Variants in JCAD observed in about 807,000 individuals in gnomAD.
JCAD encodes junctional cadherin 5-associated protein.
A neutral mutation model predicts 98.0 loss-of-function variants in JCAD; 40 were observed. That is an observed-to-expected ratio of 0.41 (90% CI 0.32 to 0.53). The LOEUF is 0.53. Among genes scored for constraint, JCAD ranks in the 20% least tolerant of loss-of-function variants. The probability of loss-of-function intolerance (pLI) is 0.31; values close to 1 mark genes in which losing one functional copy is unlikely to be tolerated. For missense variants in JCAD, 1,705 were observed against 1,738.1 expected, an observed-to-expected ratio of 0.98 and a Z score of 0.34; for synonymous variants, 691 against 682.3, an observed-to-expected ratio of 1.01 and a Z score of -0.20.
At chr10:30,049,378 ATG>A (rs1837422099) in intron 1 of JCAD, among the ~76,000 whole-genome samples, 2 of 152,186 alleles carry the variant, frequency 1.3e-5, no homozygotes, top group African/African-American at 2.4e-5. Context: ...TGCCTGCGGC[ATG>A]TGCTTCCTGT....
At chr10:30,114,593 A>C (rs902948860) in intron 1 of JCAD, among the ~76,000 whole-genome samples, 4 of 151,852 alleles carry the variant, frequency 2.6e-5, no homozygotes, top group South Asian at 2.1e-4. Context: ...AAAAAAAAAA[A>C]AAAAAAACCA....
At chr10:30,114,853 AGAT>A (rs1054034718) in intron 1 of JCAD, among the ~76,000 whole-genome samples, 1 of 145,324 alleles carries the variant, frequency 6.9e-6, no homozygotes, top group African/African-American at 2.5e-5. Flanking sequence ...ATAGATAGAT[AGAT>A]GATAGATACA....
intron 2 of JCAD, among the ~76,000 whole-genome samples, chr10:30,068,140 G>A (rs1837816378): frequency 1.3e-5 from 2 of 152,144 alleles, no homozygotes; most frequent in African/African-American, 4.8e-5. Context: ...TGTGATCGTA[G>A]CACTTCGGGG....
Position 30,017,661 on chromosome 10 carries a change from C to T in JCAD, c.*222G>A. 6.6e-6 allele frequency: 4 copies of T among 609,480 alleles called. No homozygotes were observed. The South Asian group carries it at 8.2e-5, about 12-fold the overall frequency. 37.8% of individuals were successfully genotyped at this position (609,480 alleles called of 1,614,324 possible). ...TAATTATAGGCATTAAATCTTCATG[C>T]TATAAAAACAGATGGTTTCAACGGA... is the stretch of plus-strand genomic sequence containing the variant. On this transcript the variant is annotated 3_prime_UTR_variant, in exon 4 of 4. Transcript: ENST00000375377.
At chr10:30,044,890 G>T in intron 2 of JCAD, 2 of 631,494 alleles carry the variant, frequency 3.2e-6, no homozygotes, top group Non-Finnish European at 3.9e-6. Flanking sequence ...GAAGCTTGGG[G>T]CACTGGCAGG....
chr10:30,082,851 CAAAAAAAA>C (rs57450219), intron 1 of JCAD, among the ~76,000 whole-genome samples: 4 of 68,388 alleles, frequency 5.8e-5, no homozygotes, highest in Non-Finnish European at 1.0e-4. Context: ...AACTCTGTCT[CAAAAAAAA>C]AAAAAAAAAA....
At chr10:30,086,966 G>A (rs928184061) in intron 1 of JCAD, among the ~76,000 whole-genome samples, 11 of 152,158 alleles carry the variant, frequency 7.2e-5, no homozygotes, top group African/African-American at 2.2e-4. Flanking sequence ...ATAGTAAACC[G>A]AACCCTAGAC....
At chr10:30,032,507 G>A (rs767448914) in intron 2 of JCAD, among the ~76,000 whole-genome samples, 1 of 152,090 alleles carries the variant, frequency 6.6e-6, no homozygotes, top group Non-Finnish European at 1.5e-5. Flanking sequence ...GAAGTTCAGG[G>A]GACTCAACAG....
chr10:30,043,349 T>A (rs1443322178), intron 2 of JCAD, among the ~76,000 whole-genome samples: 1 of 151,996 alleles, frequency 6.6e-6, no homozygotes, highest in African/African-American at 2.4e-5. Context: ...AGTAAAAAAA[T>A]TTTACTAGAT....
At chr10:30,019,243 G>C (rs553000885) in intron 3 of JCAD, among the ~76,000 whole-genome samples, 1 of 151,544 alleles carries the variant, frequency 6.6e-6, no homozygotes, top group Non-Finnish European at 1.5e-5. Flanking sequence ...TGTAATCCCA[G>C]CTACTCGGGA....
In JCAD at chr10:30,084,017, AAAAG is replaced by A. The variant is rs1323706161; in HGVS notation, n.129-14200_129-14197del. On this transcript the variant is annotated intron_variant and non_coding_transcript_variant, in intron 1 of 2. Coordinates refer to the JCAD transcript ENST00000465712. Reference sequence around the variant, plus strand: ...AGCCTGGGTGACAGAGTGAATGAAAAAAAGAAAGAAAGAGAGAGAGAGAGAAAGG... The same window carrying A: ...AGCCTGGGTGACAGAGTGAATGAAAAAAAGAAAGAGAGAGAGAGAGAAAGG... Among the ~76,000 whole-genome samples the A allele has an allele frequency of 6.6e-5, 10 of 152,014 alleles. No individual in the cohort carries two copies. In the East Asian group the frequency reaches 9.7e-4, roughly 15 times the overall value.
chr10:30,081,546 C>T (rs999042438), intron 1 of JCAD, among the ~76,000 whole-genome samples: 1 of 152,190 alleles, frequency 6.6e-6, no homozygotes, highest in Non-Finnish European at 1.5e-5. Flanking sequence ...ATTCTCATAC[C>T]TCAGCCTCCT....
chr10:30,064,949 C>A (rs1167975835), intron 2 of JCAD, among the ~76,000 whole-genome samples: 6 of 152,192 alleles, frequency 3.9e-5, no homozygotes, highest in South Asian at 2.1e-4. Context: ...GGATTACAGG[C>A]GTGAGCCACC....
intron 1 of JCAD, among the ~76,000 whole-genome samples, chr10:30,101,636 G>A (rs1031099078): frequency 2.6e-5 from 4 of 152,036 alleles, no homozygotes; most frequent in Non-Finnish European, 5.9e-5. Flanking sequence ...CCAAAGTGCT[G>A]GGATTACAGG....
In JCAD at chr10:30,012,970, C is replaced by G. The variant is rs112228090; in HGVS notation, c.*4913G>C. Reference sequence around the variant, plus strand: ...TGCTACTTTGTCCTGCTTCTCTCTTCCCTGTGCTCATTATTCTTCATGCAC... The same window carrying G: ...TGCTACTTTGTCCTGCTTCTCTCTTGCCTGTGCTCATTATTCTTCATGCAC... On this transcript the variant is annotated 3_prime_UTR_variant, in exon 4 of 4. Coordinates refer to ENST00000375377, the MANE Select transcript of JCAD (RefSeq NM_020848.4). The G allele has an allele frequency of 6.6e-6, 1 of 152,588 alleles. No individual in the cohort carries two copies. The highest frequency in any genetic ancestry group is 1.5e-5 in the Non-Finnish European group (1 of 68,252). 9.5% of individuals were successfully genotyped at this position (152,588 alleles called of 1,614,324 possible).
chr10:30,078,007 G>C (rs939820282), intron 1 of JCAD, among the ~76,000 whole-genome samples: 1 of 152,170 alleles, frequency 6.6e-6, no homozygotes, highest in African/African-American at 2.4e-5. Flanking sequence ...CATAAGGACT[G>C]TACCATTTCA....
At chr10:30,101,782 A>G (rs889562709) in intron 1 of JCAD, among the ~76,000 whole-genome samples, 1 of 152,202 alleles carries the variant, frequency 6.6e-6, no homozygotes, top group East Asian at 1.9e-4. Flanking sequence ...TGTCATAAAC[A>G]TCTTAAGAAA....
chr10:30,058,297 TC>T (rs1052380936), intron 1 of JCAD, among the ~76,000 whole-genome samples: 14 of 151,966 alleles, frequency 9.2e-5, no homozygotes, highest in Non-Finnish European at 1.9e-4. Context: ...CCCACCCCTC[TC>T]CCCAAGACTA....
intron 2 of JCAD, among the ~76,000 whole-genome samples, chr10:30,042,537 G>A (rs907639022): frequency 6.6e-6 from 1 of 152,088 alleles, no homozygotes; most frequent in African/African-American, 2.4e-5. Flanking sequence ...GCCAGCCAGA[G>A]GTACGGGGAA....
Sources: gnomAD v4.1 joint callset for allele counts (sites outside exome capture counted in the v4.1 genomes callset) on GRCh38, gnomAD v4.1.1 for gene constraint, MANE v1.5 for transcripts, NCBI Gene and HGNC (gene_info 2026-07-23, HGNC 2026-07-21) for gene names.